Variants in VEPH1 observed in about 807,000 individuals in gnomAD.
VEPH1 encodes ventricular zone-expressed PH domain-containing protein homolog 1.
Under a neutral mutation model 85.2 loss-of-function variants are expected in VEPH1, and 80 were observed. The ratio of observed to expected loss-of-function variants is 0.94; its 90% CI spans 0.78 to 1.13. VEPH1 has a LOEUF of 1.13. Ranked by LOEUF, VEPH1 falls within the 50% of genes most tolerant of loss-of-function variation. The pLI, the probability that VEPH1 is intolerant of heterozygous loss-of-function variation, is 0.00. For synonymous variants in VEPH1, 297 were observed against 348.0 expected, an observed-to-expected ratio of 0.85 and a Z score of 1.63; for missense variants, 955 against 980.5, an observed-to-expected ratio of 0.97 and a Z score of 0.35.
At chr3:157,405,382 C>T (rs932916688) in intron 6 of VEPH1, among the ~76,000 whole-genome samples, 6 of 152,102 alleles carry the variant, frequency 3.9e-5, no homozygotes, top group African/African-American at 9.7e-5. Flanking sequence ...TTCTTGGGAA[C>T]GCTAAGGTAC....
At chr3:157,327,023 G>A (rs1020603999) in intron 9 of VEPH1, among the ~76,000 whole-genome samples, 1 of 152,162 alleles carries the variant, frequency 6.6e-6, no homozygotes, top group African/African-American at 2.4e-5. Flanking sequence ...GTGTGGCTCT[G>A]CACAGTAGAC....
At chr3:157,407,866 A>C (rs1731257661) in intron 6 of VEPH1, among the ~76,000 whole-genome samples, 1 of 152,076 alleles carries the variant, frequency 6.6e-6, no homozygotes. Flanking sequence ...CTCACAACAA[A>C]CCTAAGAGGT....
At chr3:157,316,847 C>T (rs1473711381) in intron 10 of VEPH1, among the ~76,000 whole-genome samples, 1 of 152,028 alleles carries the variant, frequency 6.6e-6, no homozygotes, top group Non-Finnish European at 1.5e-5. Context: ...ATATTTAAGA[C>T]ATTAATATGT....
chr3:157,434,280 G>A lies in VEPH1; in HGVS notation c.530-5792C>T, dbSNP rs914629125. On this transcript the variant is annotated intron_variant, in intron 4 of 13. Transcript: ENST00000362010. ...TTTATGCATAGCTTTTGTAAGTGAT[G>A]TATAGCTGGATTTTTAAAATATTTC... 5.3e-5 allele frequency among the ~76,000 whole-genome samples: 8 copies of A among 152,022 alleles called. 1 individual carries two copies. In the South Asian group the frequency reaches 6.2e-4, roughly 12 times the overall value.
chr3:157,503,391 A>G lies in VEPH1; in HGVS notation c.-272T>C, dbSNP rs1577834698. ...AGAGGCAGCCTTGCAGCTGCTGCCC[A>G]GTCCTGTGGGCTGCAGCCGCGTCTC... On this transcript the variant is annotated 5_prime_UTR_variant, in exon 1 of 14. Transcript: ENST00000362010. 6.6e-6 allele frequency: 1 copy of G among 152,204 alleles called. No individual in the cohort carries two copies. The highest frequency in any genetic ancestry group is 1.5e-5 in the Non-Finnish European group (1 of 68,044). The allele number at this position is 152,204 out of a possible 1,614,324, so 9.4% of individuals were successfully genotyped here.
chr3:157,309,167 G>A (rs1429095649), intron 11 of VEPH1, among the ~76,000 whole-genome samples: 1 of 151,970 alleles, frequency 6.6e-6, no homozygotes, highest in Non-Finnish European at 1.5e-5. Context: ...TAACAAACAA[G>A]GAGACAAGAT....
At chr3:157,489,871 T>A (rs1739061993) in intron 2 of VEPH1, among the ~76,000 whole-genome samples, 2 of 151,994 alleles carry the variant, frequency 1.3e-5, no homozygotes, top group Non-Finnish European at 2.9e-5. Context: ...TTGCTGAACA[T>A]AAGATCACCA....
At position 157,495,311 on chromosome 3, in the gene VEPH1, A is replaced by G; in HGVS notation, c.39T>C (p.Asp13=). ...AGAAGAGGTCCCCAGCTCGTGAAAG[A>G]TCTTTTTGTCCCAAAACCAGTCTGA... ...QLFRLVLGQK[D]LSRAGDLFSL... The change falls in exon 2 of 14, where the codon GAT becomes GAC. Residue 13 remains aspartate, a synonymous_variant. Coordinates refer to ENST00000362010, the MANE Select transcript of VEPH1 (RefSeq NM_001167912.2). The G allele has an allele frequency of 6.2e-7, 1 of 1,614,054 alleles. No individual in the cohort carries two copies. Among genetic ancestry groups the G allele is most frequent in the Non-Finnish European group, 8.5e-7 (1 of 1,179,930 alleles).
intron 4 of VEPH1, among the ~76,000 whole-genome samples, chr3:157,438,941 C>A (rs1440225296): frequency 6.6e-6 from 1 of 152,026 alleles, no homozygotes; most frequent in African/African-American, 2.4e-5. Context: ...AAGAAAACAA[C>A]TTTTGCTGGA....
At chr3:157,447,210 C>G (rs1230045248) in intron 4 of VEPH1, among the ~76,000 whole-genome samples, 1 of 152,168 alleles carries the variant, frequency 6.6e-6, no homozygotes, top group Non-Finnish European at 1.5e-5. Context: ...AGGCCTTGTT[C>G]TACTTCACAG....
rs1473295961 is a variant in VEPH1 at position 157,275,936 on chromosome 3, A to C, written c.2129-10274T>G. On this transcript the variant is annotated intron_variant, in intron 12 of 13. Coordinates refer to ENST00000362010, the MANE Select transcript of VEPH1 (RefSeq NM_001167912.2). ...TGCAAAAAGAGGGCTAGAAGCATTA[A>C]ATGAAGGGGTCGTAGGAGCCACATT... Among the ~76,000 whole-genome samples, 13 of 152,286 alleles carry C rather than the reference A, an allele frequency of 8.5e-5. No homozygotes were observed. In the East Asian group the frequency reaches 2.5e-3, roughly 29 times the overall value.
At chr3:157,326,544 A>G (rs979726951) in intron 9 of VEPH1, among the ~76,000 whole-genome samples, 1 of 152,182 alleles carries the variant, frequency 6.6e-6, no homozygotes, top group Non-Finnish European at 1.5e-5. Flanking sequence ...GAGGATATAC[A>G]TTGTAGGACC....
At chr3:157,336,773 C>G (rs1416883935) in intron 9 of VEPH1, among the ~76,000 whole-genome samples, 1 of 152,214 alleles carries the variant, frequency 6.6e-6, no homozygotes, top group African/African-American at 2.4e-5. Context: ...TGGGCAAAGT[C>G]TGACTCACTG....
chr3:157,458,629 T>C (rs1735570865), intron 4 of VEPH1, among the ~76,000 whole-genome samples: 1 of 152,224 alleles, frequency 6.6e-6, no homozygotes, highest in African/African-American at 2.4e-5. Flanking sequence ...CTAATTCAAT[T>C]AGGTCCCACT....
At chr3:157,337,097 T>C (rs539978265) in intron 9 of VEPH1, among the ~76,000 whole-genome samples, 4 of 151,044 alleles carry the variant, frequency 2.6e-5, no homozygotes, top group East Asian at 1.9e-4. Context: ...GGAAATGCCA[T>C]AGGCATTTTA....
rs773427041 is a variant in VEPH1 at position 157,261,374 on chromosome 3, A to G, written c.2266-4T>C. 1.8e-5 allele frequency: 29 copies of G among 1,612,884 alleles called. No homozygotes were observed. The highest frequency in any genetic ancestry group is 2.2e-5 in the Non-Finnish European group (26 of 1,179,374). The stretch of plus-strand genomic sequence containing the variant: ...GGCAGTCGTCAGGGTCATCTTTCTG[A>G]AAGGCATGGGAAGAAAAGAACATGG... On this transcript the variant is annotated splice_region_variant and splice_polypyrimidine_tract_variant and intron_variant, in intron 13 of 13. Coordinates refer to ENST00000362010, the MANE Select transcript of VEPH1 (RefSeq NM_001167912.2).
Position 157,432,793 on chromosome 3 carries a change from A to G in VEPH1, c.530-4305T>C, listed in dbSNP as rs538205614. ...TCTGTCAACATCCTTGAAAAACCAG[A>G]CTGGGACTTCTTTTTCATATTGAAC... On this transcript the variant is annotated intron_variant, in intron 4 of 13. Transcript: ENST00000362010. Among the ~76,000 whole-genome samples the G allele has an allele frequency of 2.4e-4, 36 of 152,302 alleles. No homozygotes were observed. In the East Asian group the frequency reaches 6.6e-3, roughly 28 times the overall value.
At chr3:157,393,792 C>T (rs1411909357) in intron 6 of VEPH1, among the ~76,000 whole-genome samples, 4 of 152,178 alleles carry the variant, frequency 2.6e-5, no homozygotes, top group Non-Finnish European at 5.9e-5. Flanking sequence ...CCATTTTTAA[C>T]CAGCGGTCAT....
intron 9 of VEPH1, among the ~76,000 whole-genome samples, chr3:157,336,803 T>G (rs1014990385): frequency 6.6e-6 from 1 of 152,154 alleles, no homozygotes; most frequent in Non-Finnish European, 1.5e-5. Flanking sequence ...TTAAACAAAG[T>G]TTTATTGGAA....
Sources: allele counts gnomAD v4.1 joint callset (sites outside exome capture counted in the v4.1 genomes callset), GRCh38; gene constraint gnomAD v4.1.1; transcripts MANE v1.5; gene names NCBI Gene and HGNC (gene_info 2026-07-23, HGNC 2026-07-21).